The following SIM1 variants were observed in gnomAD, a reference collection of about 807,000 sequenced individuals.
SIM1 encodes the protein single-minded homolog 1.
SIM1 carries 18 observed loss-of-function variants against 78.2 expected under a neutral mutation model. The observed-to-expected ratio is 0.23, with a 90% CI of 0.16 to 0.34. The LOEUF (loss-of-function observed/expected upper bound fraction) is 0.34, where lower values mean the gene tolerates loss of function less well. SIM1 is among the 10% of genes least tolerant of loss of function. The pLI, the probability that SIM1 is intolerant of heterozygous loss-of-function variation, is 1.00. For synonymous variants in SIM1, 417 were observed against 385.2 expected, an observed-to-expected ratio of 1.08 and a Z score of -0.97; for missense variants, 939 against 975.1, an observed-to-expected ratio of 0.96 and a Z score of 0.49.
At chr6:100,430,801 T>C (rs1771880564) in intron 9 of SIM1, among the ~76,000 whole-genome samples, 1 of 152,172 alleles carries the variant, frequency 6.6e-6, no homozygotes, top group African/African-American at 2.4e-5. Context: ...TCCTATCTAG[T>C]TCTTAGCAAA....
At chr6:100,443,003 A>G (rs906216234) in intron 9 of SIM1, among the ~76,000 whole-genome samples, 1 of 152,250 alleles carries the variant, frequency 6.6e-6, no homozygotes, top group East Asian at 1.9e-4. Context: ...TGTGGTTAAC[A>G]TACCATATGC....
intron 9 of SIM1, among the ~76,000 whole-genome samples, chr6:100,426,425 C>G (rs1391992697): frequency 6.6e-6 from 1 of 152,176 alleles, no homozygotes; most frequent in East Asian, 1.9e-4. Flanking sequence ...CCTCATCCTT[C>G]CCTTAAGCAA....
Position 100,402,741 on chromosome 6 carries a change from C to G in SIM1, c.1168-8852G>C, listed in dbSNP as rs12214092. 9.2e-5 allele frequency among the ~76,000 whole-genome samples: 14 copies of G among 152,032 alleles called. No homozygotes were observed. The South Asian group carries it at 1.2e-3, about 14-fold the overall frequency. Reference sequence around the variant, plus strand: ...TACAGGCGCCCGCCACCACGCCTGGCTAATTTTTTGTATTTTTAGTAGAGA... The same window carrying G: ...TACAGGCGCCCGCCACCACGCCTGGGTAATTTTTTGTATTTTTAGTAGAGA... On this transcript the variant is annotated intron_variant, in intron 10 of 11. Coordinates refer to ENST00000369208, the MANE Select transcript of SIM1 (RefSeq NM_005068.3).
In SIM1 at chr6:100,450,321, A is replaced by T. The variant is rs749215684; in HGVS notation, c.294T>A (p.Asp98Glu). Residue 98 changes from aspartate to glutamate, a missense_variant, in exon 4 of 12, where the codon GAT becomes GAA. By Grantham distance (45) the Asp-to-Glu change is conservative. Coordinates refer to ENST00000369208, the MANE Select transcript of SIM1 (RefSeq NM_005068.3). ...TCTCTGAGATGTACATGATCTTCCC[A>T]TCTGGGGCTACCACGAAGATGAAGC... The part of the protein sequence containing the change: ...LDGFIFVVAP[D>E]GKIMYISETA... The T allele has an allele frequency of 3.7e-6, 6 of 1,614,118 alleles. No individual in the cohort carries two copies. In the South Asian group the frequency reaches 5.5e-5, roughly 15 times the overall value.
chr6:100,426,489 C>T (rs997587416), intron 9 of SIM1, among the ~76,000 whole-genome samples: 6 of 152,146 alleles, frequency 3.9e-5, no homozygotes, highest in African/African-American at 7.2e-5. Context: ...GGAAGCTCAG[C>T]GTGACACCCT....
Position 100,420,919 on chromosome 6 carries a change from C to T in SIM1, c.1038G>A (p.Gln346=). The change falls in exon 10 of 12, where the codon CAG becomes CAA. Residue 346 remains glutamine (Q), a synonymous_variant. Coordinates refer to ENST00000369208, the MANE Select transcript of SIM1 (RefSeq NM_005068.3). ...AGAAGGCTGGTTTGGAGGCTGAGATCTGATCCAGGGAGAGCTGCAGCCCTT... is the reference window on the plus strand; with the variant it reads ...AGAAGGCTGGTTTGGAGGCTGAGATTTGATCCAGGGAGAGCTGCAGCCCTT... The part of the protein sequence containing the change: ...EYKGLQLSLD[Q]ISASKPAFSY... 1 of 1,613,826 alleles carries T rather than the reference C, an allele frequency of 6.2e-7. No individual in the cohort carries two copies. The highest frequency in any genetic ancestry group is 1.1e-5 in the South Asian group (1 of 91,030).
intron 2 of SIM1, among the ~76,000 whole-genome samples, chr6:100,461,392 G>A (rs1031535090): frequency 5.3e-5 from 8 of 152,140 alleles, no homozygotes; most frequent in Non-Finnish European, 1.0e-4. Context: ...TAGCTTCCCT[G>A]GCCGGCCGAC....
intron 9 of SIM1, among the ~76,000 whole-genome samples, chr6:100,426,644 T>C (rs1297828804): frequency 3.9e-5 from 6 of 152,240 alleles, no homozygotes; most frequent in Admixed American, 1.3e-4. Context: ...AATGTGGAAC[T>C]ATTTACAATT....
chr6:100,410,683 A>T (rs546788227), intron 10 of SIM1, among the ~76,000 whole-genome samples: 1 of 152,326 alleles, frequency 6.6e-6, no homozygotes, highest in South Asian at 2.1e-4. Context: ...CAGACTGTCA[A>T]GATTGGATGT....
intron 3 of SIM1, among the ~76,000 whole-genome samples, chr6:100,451,029 A>C (rs1043359779): frequency 6.6e-6 from 1 of 152,184 alleles, no homozygotes; most frequent in African/African-American, 2.4e-5. Flanking sequence ...GAAAGTCTTA[A>C]GACTTTCACT....
rs1461891984 is a variant in SIM1, at chr6:100,447,329, T to C, written c.937A>G (p.Ile313Val). The stretch of plus-strand genomic sequence containing the variant: ...CTGGAGGAGCGACTGTTGTGCACGA[T>C]GGTCGCGTAGCTCTGCACCCATACC... ...GWVWVQSYAT[I>V]VHNSRSSRPH... The change falls in exon 9 of 12, where the codon ATC becomes GTC. Residue 313 changes from isoleucine to valine, a missense_variant. Coordinates refer to ENST00000369208, the MANE Select transcript of SIM1 (RefSeq NM_005068.3). The C allele has an allele frequency of 1.5e-5, 25 of 1,614,186 alleles. No homozygotes were observed. The highest frequency in any genetic ancestry group is 1.9e-5 in the Non-Finnish European group (23 of 1,180,034).
rs1772092759 is a variant in SIM1, at chr6:100,437,684, G to T, written c.998+9584C>A. On this transcript the variant is annotated intron_variant, in intron 9 of 11. Coordinates refer to ENST00000369208, the MANE Select transcript of SIM1 (RefSeq NM_005068.3). ...TGTGCCTCCCTGGCACGAAGAAGGT[G>T]CTCCATAAATGCTGACGTTTCTCCC... 1.3e-5 allele frequency among the ~76,000 whole-genome samples: 2 copies of T among 152,184 alleles called. 1 individual carries two copies. Among genetic ancestry groups the T allele is most frequent in the South Asian group, 4.1e-4 (2 of 4,826 alleles).
intron 2 of SIM1, among the ~76,000 whole-genome samples, chr6:100,459,806 A>T (rs558066304): frequency 3.1e-4 from 48 of 152,384 alleles, no homozygotes; most frequent in Admixed American, 3.1e-3. Context: ...AAAGTTGATT[A>T]TGAAAGCCTC....
chr6:100,391,081 A>G lies in SIM1; in HGVS notation c.1581T>C (p.His527=). ...AACTGACCACACTATCTTCATCCCAATGACCTCGCCCTAAAAATTAGAAAA... is the reference window on the plus strand; with the variant it reads ...AACTGACCACACTATCTTCATCCCAGTGACCTCGCCCTAAAAATTAGAAAA... The part of the protein sequence containing the change: ...ASVHRIHGRG[H]WDEDSVVSSP... Residue 527 remains histidine (H), a synonymous_variant, in exon 12 of 12, where the codon CAT becomes CAC. Transcript: ENST00000369208. 6.3e-7 allele frequency: 1 copy of G among 1,583,466 alleles called. No homozygotes were observed.
chr6:100,434,460 T>C (rs1032821352), intron 9 of SIM1, among the ~76,000 whole-genome samples: 6 of 152,222 alleles, frequency 3.9e-5, no homozygotes, highest in Admixed American at 2.0e-4. Flanking sequence ...TGTCGCTTGT[T>C]TGGACACCAA....
chr6:100,408,774 T>C (rs1166682729), intron 10 of SIM1, among the ~76,000 whole-genome samples: 2 of 152,242 alleles, frequency 1.3e-5, no homozygotes, highest in East Asian at 1.9e-4. Context: ...TTGATCATGG[T>C]GTATGATCCT....
At chr6:100,439,528 C>T (rs1772151352) in intron 9 of SIM1, among the ~76,000 whole-genome samples, 2 of 152,078 alleles carry the variant, frequency 1.3e-5, no homozygotes, top group South Asian at 4.1e-4. Context: ...GCTAAGATTC[C>T]TACTTCATGT....
intron 5 of SIM1, 69 bp downstream of exon 5, chr6:100,449,522 G>C (rs1185153245): frequency 5.1e-5 from 81 of 1,579,564 alleles, no homozygotes; most frequent in Non-Finnish European, 6.9e-5. Context: ...TCTCTGCCAC[G>C]ACTAATTGGG....
rs913577258 is a variant in SIM1, at chr6:100,463,952, A to G, written c.-467-17T>C. ...TTCAAGGCCCTGTGAAGACAACAGC[A>G]TCAGAGCATAAGAGATCAGCGGCTC... is the stretch of plus-strand genomic sequence containing the variant. On this transcript the variant is annotated splice_polypyrimidine_tract_variant and intron_variant, in intron 1 of 11. Transcript: ENST00000369208. 6.5e-6 allele frequency: 1 copy of G among 154,392 alleles called. No homozygotes were observed. The highest frequency in any genetic ancestry group is 6.4e-5 in the Admixed American group (1 of 15,696). 9.6% of individuals were successfully genotyped at this position (154,392 alleles called of 1,614,324 possible).
Sources: gnomAD v4.1 joint callset for allele counts (sites outside exome capture counted in the v4.1 genomes callset) on GRCh38, gnomAD v4.1.1 for gene constraint, MANE v1.5 for transcripts, NCBI Gene and HGNC (gene_info 2026-07-23, HGNC 2026-07-21) for gene names.